The following XCR1 variants were observed in gnomAD, a reference collection of about 807,000 sequenced individuals.
XCR1 encodes the protein chemokine XC receptor 1.
For synonymous variants in XCR1, 187 were observed against 188.5 expected (o/e 0.99, Z 0.06); for missense variants, 356 against 424.2 (o/e 0.84, Z 1.41).
At chr3:46,076,689 A>G (rs560104472) in intron 2 of XCR1, among the ~76,000 whole-genome samples, 50 of 152,192 alleles carry the variant, frequency 3.3e-4, no homozygotes, top group African/African-American at 1.2e-3. Context: ...GAAAGTTTCT[A>G]TGCTGGGGCA....
At chr3:46,047,832 A>G (rs1208784857) in intron 5 of XCR1, among the ~76,000 whole-genome samples, 1 of 152,146 alleles carries the variant, frequency 6.6e-6, no homozygotes, top group Non-Finnish European at 1.5e-5. Context: ...TTTTCCATCT[A>G]ATTGACCTTT....
chr3:46,024,455 T>G (rs1708246663), intron 1 of XCR1, among the ~76,000 whole-genome samples: 1 of 152,212 alleles, frequency 6.6e-6, no homozygotes, highest in Non-Finnish European at 1.5e-5. Flanking sequence ...CTTGGAATAA[T>G]TTTTTTCAAG....
intron 5 of XCR1, among the ~76,000 whole-genome samples, chr3:46,041,022 A>C (rs1294772549): frequency 6.6e-6 from 1 of 152,018 alleles, no homozygotes; most frequent in East Asian, 1.9e-4. Context: ...GAGTCTGCAG[A>C]ATTTTTTTCT....
chr3:46,031,002 C>T (rs962844578), upstream of XCR1, among the ~76,000 whole-genome samples: 8 of 152,246 alleles, frequency 5.3e-5, no homozygotes, highest in Admixed American at 3.3e-4. Context: ...CTGCACCTTG[C>T]CCAGAACCAC....
rs1417521941 is a variant in XCR1, at chr3:46,021,208, A to G, written c.740T>C (p.Leu247Pro). 3 of 1,614,244 alleles carry G rather than the reference A, an allele frequency of 1.9e-6. No individual in the cohort carries two copies. Among genetic ancestry groups the G allele is most frequent in the Non-Finnish European group, 1.7e-6 (2 of 1,180,026 alleles). ...SWGPYNFTLF[L>P]QTLFRTQIIR... Reference sequence around the variant, plus strand: ...GATCTGGGTCCGAAACAGCGTCTGCAGAAACAGGGTGAAGTTGTAGGGACC... The same window carrying G: ...GATCTGGGTCCGAAACAGCGTCTGCGGAAACAGGGTGAAGTTGTAGGGACC... Residue 247 changes from leucine (L) to proline (P), a missense_variant, in exon 2 of 2, where the codon CTG (leucine) becomes CCG (proline). By Grantham distance (98) the Leu-to-Pro change is moderately conservative. Transcript: ENST00000309285. The surrounding 1 kb of genome is among the most constrained non-coding windows in gnomAD (Gnocchi z 4.7).
chr3:46,052,840 T>C (rs537192088), intron 5 of XCR1, among the ~76,000 whole-genome samples: 1 of 152,270 alleles, frequency 6.6e-6, no homozygotes, highest in Non-Finnish European at 1.5e-5. Context: ...TTGCAAGAAA[T>C]TGTGCCTAGG....
At chr3:46,043,270 G>A (rs62242839) in intron 5 of XCR1, among the ~76,000 whole-genome samples, 24,426 of 151,510 alleles carry the variant, frequency 0.16, 2,108 homozygotes, top group East Asian at 0.27. Flanking sequence ...GAGAAACCCC[G>A]TCTCTACTAA....
At chr3:46,039,676 T>C (rs1697501522) in intron 5 of XCR1, among the ~76,000 whole-genome samples, 1 of 152,094 alleles carries the variant, frequency 6.6e-6, no homozygotes, top group Non-Finnish European at 1.5e-5. Context: ...AAGGTGACAA[T>C]CAAAATGAAC....
chr3:46,037,622 G>A (rs1176734904), intron 5 of XCR1, among the ~76,000 whole-genome samples: 1 of 152,084 alleles, frequency 6.6e-6, no homozygotes, highest in Non-Finnish European at 1.5e-5. Context: ...CACACACAGA[G>A]AAAATAGAAA....
rs1160465946 is a variant in XCR1 at position 46,021,549 on chromosome 3, G to A, written c.399C>T (p.Ser133=). 2.5e-6 allele frequency: 4 copies of A among 1,610,450 alleles called. No individual in the cohort carries two copies. The highest frequency in any genetic ancestry group is 1.3e-5 in the African/African-American group (1 of 74,798). Residue 133 remains serine (S), a synonymous_variant, in exon 2 of 2, where the codon AGC becomes AGT. Coordinates refer to ENST00000309285, the MANE Select transcript of XCR1 (RefSeq NM_001024644.2). The surrounding 1 kb of genome is among the most constrained non-coding windows in gnomAD (Gnocchi z 4.7). ...TGGGGACGCGCAGGGTGGAGAGGGG[G>A]CTCACTACCGACAGGTAGCGGTGGA... ...MTIHRYLSVV[S]PLSTLRVPTL...
chr3:46,056,813 A>ACAC (rs1030978649), intron 4 of XCR1, among the ~76,000 whole-genome samples: 3 of 151,964 alleles, frequency 2.0e-5, no homozygotes, highest in Non-Finnish European at 4.4e-5. Context: ...AGTTAAACAA[A>ACAC]CACCCATGTG....
At chr3:46,067,098 G>T (rs1173363789) in intron 3 of XCR1, among the ~76,000 whole-genome samples, 1 of 152,218 alleles carries the variant, frequency 6.6e-6, no homozygotes, top group Non-Finnish European at 1.5e-5. Context: ...GCTGGGCATA[G>T]CATACCTCTA....
chr3:46,059,619 C>T (rs1364813628), intron 4 of XCR1, among the ~76,000 whole-genome samples: 2 of 152,122 alleles, frequency 1.3e-5, no homozygotes, highest in Non-Finnish European at 2.9e-5. Flanking sequence ...ATATAACATG[C>T]AGTATACGTA....
intron 4 of XCR1, among the ~76,000 whole-genome samples, chr3:46,054,241 G>A (rs1697809120): frequency 6.6e-6 from 1 of 152,106 alleles, no homozygotes; most frequent in African/African-American, 2.4e-5. Context: ...GGAAGAAGGG[G>A]TCAGCTGCTT....
chr3:46,038,320 G>C (rs986801904), intron 5 of XCR1, among the ~76,000 whole-genome samples: 11 of 152,174 alleles, frequency 7.2e-5, no homozygotes, highest in African/African-American at 2.6e-4. Context: ...GCCTGGCCGT[G>C]TGTGTGTTTT....
intron 4 of XCR1, among the ~76,000 whole-genome samples, chr3:46,064,344 G>A (rs553583788): frequency 1.3e-5 from 2 of 152,324 alleles, no homozygotes; most frequent in African/African-American, 4.8e-5. Context: ...GCCTAGGGCA[G>A]TAGCTGGCAC....
At chr3:46,058,840 C>T (rs1401843999) in intron 4 of XCR1, among the ~76,000 whole-genome samples, 1 of 152,154 alleles carries the variant, frequency 6.6e-6, no homozygotes, top group Non-Finnish European at 1.5e-5. Flanking sequence ...GCTGGGATTA[C>T]AAGTGTGAGC....
chr3:46,051,600 C>T (rs1233038887), intron 5 of XCR1, among the ~76,000 whole-genome samples: 5 of 152,180 alleles, frequency 3.3e-5, no homozygotes, highest in Admixed American at 6.5e-5. Flanking sequence ...AGATTTCCCG[C>T]GTAGTTGTGC....
In XCR1 at chr3:46,021,633, G is replaced by A. The variant is rs1473784529; in HGVS notation, c.315C>T (p.Leu105=). ...WVLGDFLCKL[L]NMIFSISLYS... ...AGAGGCTGATGGAGAAGATCATATT[G>A]AGGAGTTTGCAGAGGAAGTCTCCCA... The change falls in exon 2 of 2, where the codon CTC becomes CTT. Residue 105 remains leucine (L), a synonymous_variant. Transcript: ENST00000309285. The surrounding 1 kb of genome is among the most constrained non-coding windows in gnomAD (Gnocchi z 4.7). The A allele has an allele frequency of 6.2e-7, 1 of 1,613,830 alleles. No individual in the cohort carries two copies.
Sources: allele counts gnomAD v4.1 joint callset (sites outside exome capture counted in the v4.1 genomes callset), GRCh38; gene constraint gnomAD v4.1.1; non-coding constraint Gnocchi (gnomAD v3.1); transcripts MANE v1.5; gene names NCBI Gene and HGNC (gene_info 2026-07-23, HGNC 2026-07-21).